EPHA3: variants seen among roughly 807,000 people sequenced by gnomAD.
EPHA3 encodes the protein ephrin type-A receptor 3.
Under a neutral mutation model 107.1 loss-of-function variants are expected in EPHA3, and 42 were observed. That is an observed-to-expected ratio of 0.39 (90% CI 0.31 to 0.51). The LOEUF (loss-of-function observed/expected upper bound fraction) is 0.51. Ranked by LOEUF, EPHA3 falls within the 20% of genes least tolerant of loss-of-function variation. The pLI, the probability that EPHA3 is intolerant of heterozygous loss-of-function variation, is 0.78. For missense variants in EPHA3, 1,183 were observed against 1,211.2 expected (o/e 0.98, Z 0.35); for synonymous variants, 461 against 424.8 (o/e 1.09, Z -1.05).
intron 3 of EPHA3, among the ~76,000 whole-genome samples, chr3:89,322,386 C>T (rs1274173821): frequency 6.6e-6 from 1 of 152,012 alleles, no homozygotes; most frequent in Non-Finnish European, 1.5e-5. Flanking sequence ...ACAGAGGAGA[C>T]ATTGGTCAGT....
At chr3:89,407,109 A>G (rs1709069761) in intron 7 of EPHA3, among the ~76,000 whole-genome samples, 160 bp from the exon 8 acceptor site, 1 of 152,216 alleles carries the variant, frequency 6.6e-6, no homozygotes, top group Non-Finnish European at 1.5e-5. Flanking sequence ...TTTTTTAAAC[A>G]TTAAGTAAAG....
chr3:89,362,410 G>A (rs1708111510), intron 5 of EPHA3, among the ~76,000 whole-genome samples: 1 of 151,022 alleles, frequency 6.6e-6, no homozygotes, highest in Non-Finnish European at 1.5e-5. Flanking sequence ...TGTAAAGAAA[G>A]CAGCTGTCTT....
At chr3:89,467,351 A>G (rs1397439366) in intron 15 of EPHA3, among the ~76,000 whole-genome samples, 5 of 152,200 alleles carry the variant, frequency 3.3e-5, no homozygotes, top group African/African-American at 1.2e-4. Flanking sequence ...TTCACAACAA[A>G]TAAAAAATAA....
intron 12 of EPHA3, among the ~76,000 whole-genome samples, chr3:89,430,294 T>A (rs1709541742): frequency 6.6e-6 from 1 of 152,098 alleles, no homozygotes; most frequent in South Asian, 2.1e-4. Flanking sequence ...AAAGAAAATA[T>A]GTAGTATCAT....
chr3:89,164,047 C>T (rs1018846895), intron 2 of EPHA3, among the ~76,000 whole-genome samples: 1 of 152,070 alleles, frequency 6.6e-6, no homozygotes, highest in Non-Finnish European at 1.5e-5. Flanking sequence ...AGAAACATCT[C>T]AAATTAATCC....
At chr3:89,292,811 T>C (rs1197344282) in intron 3 of EPHA3, among the ~76,000 whole-genome samples, 1 of 152,200 alleles carries the variant, frequency 6.6e-6, no homozygotes, top group African/African-American at 2.4e-5. Context: ...TGTGTACATA[T>C]TTATGCACAA....
chr3:89,394,921 C>T (rs1259735135), intron 5 of EPHA3, among the ~76,000 whole-genome samples: 2 of 152,186 alleles, frequency 1.3e-5, no homozygotes, highest in East Asian at 1.9e-4. Flanking sequence ...GCGAGTGAAC[C>T]AAGATTGAGA....
intron 2 of EPHA3, among the ~76,000 whole-genome samples, chr3:89,158,072 T>A (rs11128068): frequency 2.0e-5 from 3 of 151,846 alleles, no homozygotes; most frequent in Non-Finnish European, 2.9e-5. Flanking sequence ...ATACCATTGC[T>A]TCACAAATAT....
At chr3:89,212,555 G>A (rs73146352) in intron 3 of EPHA3, among the ~76,000 whole-genome samples, 94 of 150,834 alleles carry the variant, frequency 6.2e-4, no homozygotes, top group Non-Finnish European at 1.1e-3. Context: ...GATTGGAAGT[G>A]TGGGAAAATT....
intron 5 of EPHA3, among the ~76,000 whole-genome samples, chr3:89,360,525 C>T (rs1246559932): frequency 6.6e-6 from 1 of 150,974 alleles, no homozygotes; most frequent in Non-Finnish European, 1.5e-5. Flanking sequence ...TGGCGCTTCT[C>T]TTTCTCTCAA....
intron 5 of EPHA3, among the ~76,000 whole-genome samples, chr3:89,348,473 A>G (rs1341899371): frequency 3.5e-5 from 4 of 113,602 alleles, no homozygotes; most frequent in African/African-American, 1.6e-4. Context: ...CCCCTTTATC[A>G]TTTTTTATTG....
intron 3 of EPHA3, among the ~76,000 whole-genome samples, chr3:89,217,370 C>T (rs1289183860): frequency 1.3e-5 from 2 of 151,940 alleles, no homozygotes; most frequent in Non-Finnish European, 2.9e-5. Context: ...CTTATGGATG[C>T]CTTTTCTAGG....
chr3:89,163,269 T>C (rs1257224845), intron 2 of EPHA3, among the ~76,000 whole-genome samples: 1 of 152,138 alleles, frequency 6.6e-6, no homozygotes, highest in African/African-American at 2.4e-5. Context: ...GCCTAGTACA[T>C]AGTGAGCATT....
rs143629103 is a variant in EPHA3, at chr3:89,258,464, G to A, written c.814+47944G>A. ...AAATTTCCCTATTGTTAGATGACTC[G>A]TGTATTTAGTAGTAATTGCCATTGT... is the stretch of plus-strand genomic sequence containing the variant. On this transcript the variant is annotated intron_variant, in intron 3 of 16. Transcript: ENST00000336596. Among the ~76,000 whole-genome samples, 866 of 152,184 alleles carry A rather than the reference G, an allele frequency of 5.7e-3. 9 individuals are homozygous for A. The highest frequency in any genetic ancestry group is 0.018 in the African/African-American group (730 of 41,510).
intron 5 of EPHA3, among the ~76,000 whole-genome samples, chr3:89,344,648 C>CT (rs1707601995): frequency 6.6e-6 from 1 of 152,110 alleles, no homozygotes; most frequent in African/African-American, 2.4e-5. Context: ...CTCCCTACCA[C>CT]TGGAAGGATA....
Position 89,350,155 on chromosome 3 carries a change from C to T in EPHA3, c.1306+8065C>T, listed in dbSNP as rs199919976. On this transcript the variant is annotated intron_variant, in intron 5 of 16. Coordinates refer to ENST00000336596, the MANE Select transcript of EPHA3 (RefSeq NM_005233.6). ...ATTCTCTGTATTTCCTGAATGTGAA[C>T]GTTGGCCTGCCTTGCTAGATTGGGG... 2.0e-4 allele frequency among the ~76,000 whole-genome samples: 30 copies of T among 150,524 alleles called. 1 individual carries two copies. Among genetic ancestry groups the T allele is most frequent in the Non-Finnish European group, 3.6e-4 (24 of 67,390 alleles).
intron 2 of EPHA3, among the ~76,000 whole-genome samples, chr3:89,209,151 C>G (rs376198703): frequency 3.9e-5 from 6 of 152,058 alleles, no homozygotes. Context: ...CAACAAAACC[C>G]CAAATATCTA....
At chr3:89,192,276 A>G (rs571821908) in intron 2 of EPHA3, among the ~76,000 whole-genome samples, 153 of 152,284 alleles carry the variant, frequency 1.0e-3, no homozygotes, top group African/African-American at 3.5e-3. Context: ...TGGAGTGTTC[A>G]TTAACTTACA....
rs750832814 is a variant in EPHA3 at position 89,395,933 on chromosome 3, T to C, written c.1403T>C (p.Leu468Ser). The change falls in exon 6 of 17, where the codon TTG becomes TCG. Residue 468 changes from leucine (L) to serine (S), a missense_variant. Physicochemically the swap from Leu to Ser is moderately radical, Grantham distance 145. Transcript: ENST00000336596. ...CCTGAACATCCTAATGGGATCATATTGGACTACGAGGTCAAATACTATGAA... is the reference window on the plus strand; with the variant it reads ...CCTGAACATCCTAATGGGATCATATCGGACTACGAGGTCAAATACTATGAA... ...QEPEHPNGII[L>S]DYEVKYYEKQ... 3.7e-6 allele frequency: 6 copies of C among 1,613,900 alleles called. No homozygotes were observed. Among genetic ancestry groups the C allele is most frequent in the Non-Finnish European group, 5.1e-6 (6 of 1,179,932 alleles).
Sources: allele counts gnomAD v4.1 joint callset (sites outside exome capture counted in the v4.1 genomes callset), GRCh38; gene constraint gnomAD v4.1.1; transcripts MANE v1.5; gene names NCBI Gene and HGNC (gene_info 2026-07-23, HGNC 2026-07-21).